Variants in SMIM14 observed in about 807,000 individuals in gnomAD.
The protein encoded by SMIM14 is small integral membrane protein 14.
In SMIM14, 5 loss-of-function variants were observed where a neutral mutation model predicts 12.6. The observed-to-expected ratio is 0.40, with a 90% CI of 0.21 to 0.83. The LOEUF (loss-of-function observed/expected upper bound fraction) is 0.83, where lower values mean the gene tolerates loss of function less well. SMIM14 is among the 40% of genes least tolerant of loss of function. The probability of loss-of-function intolerance (pLI) is 0.37; values close to 1 mark genes in which losing one functional copy is unlikely to be tolerated. For synonymous variants in SMIM14, 30 were observed against 40.1 expected (o/e 0.75, Z 0.95); for missense variants, 86 against 119.1 (o/e 0.72, Z 1.29).
chr4:39,601,771 A>C (rs1037643671), intron 2 of SMIM14, among the ~76,000 whole-genome samples: 2 of 151,842 alleles, frequency 1.3e-5, no homozygotes, highest in African/African-American at 4.8e-5. Context: ...ACCTGGGGAG[A>C]TCCCATCTCT....
intron 1 of SMIM14, among the ~76,000 whole-genome samples, chr4:39,636,569 G>A (rs1716097818): frequency 6.6e-6 from 1 of 152,182 alleles, no homozygotes; most frequent in African/African-American, 2.4e-5. Context: ...TGGACCTGGT[G>A]TCTCAGCATC....
intron 4 of SMIM14, among the ~76,000 whole-genome samples, chr4:39,554,055 T>C (rs1711874960): frequency 6.6e-6 from 1 of 152,180 alleles, no homozygotes; most frequent in Non-Finnish European, 1.5e-5. Flanking sequence ...CTTTCTCTTA[T>C]ATAAAAAATG....
At chr4:39,635,376 T>C (rs1370099791) in intron 1 of SMIM14, among the ~76,000 whole-genome samples, 1 of 152,174 alleles carries the variant, frequency 6.6e-6, no homozygotes, top group East Asian at 1.9e-4. Flanking sequence ...TTATTCTGAA[T>C]ATGGATGGAA....
In SMIM14 at chr4:39,583,387, C is replaced by T. The variant is rs146012645; in HGVS notation, c.76-10924G>A. Among the ~76,000 whole-genome samples, 127 of 152,178 alleles carry T rather than the reference C, an allele frequency of 8.3e-4. 1 individual carries two copies. The highest frequency in any genetic ancestry group is 2.7e-3 in the African/African-American group (113 of 41,474). ...TGTTAAGATTACAGGTGTGAGCCAA[C>T]TTGCCTGGGCTATTATTCTAACTGG... On this transcript the variant is annotated intron_variant, in intron 2 of 4. Transcript: ENST00000295958.
At chr4:39,606,466 C>T (rs977764730) in intron 1 of SMIM14, among the ~76,000 whole-genome samples, 1 of 151,976 alleles carries the variant, frequency 6.6e-6, no homozygotes, top group Non-Finnish European at 1.5e-5. Context: ...CATGGTGAAA[C>T]CCCGTCTCTA....
At chr4:39,562,201 CCT>C (rs1712344031) in intron 3 of SMIM14, among the ~76,000 whole-genome samples, 1 of 151,812 alleles carries the variant, frequency 6.6e-6, no homozygotes. Context: ...TAGTGAGACC[CCT>C]GTCTCTACAA....
intron 1 of SMIM14, among the ~76,000 whole-genome samples, chr4:39,619,766 CAATA>C (rs797010765): frequency 8.3e-4 from 105 of 125,910 alleles, no homozygotes; most frequent in East Asian, 7.0e-3. Flanking sequence ...ATATATATAT[CAATA>C]AATAATTTAT....
At chr4:39,572,277 CTTTTT>C (rs71192876) in intron 3 of SMIM14, 133 bp downstream of exon 3, 2,383 of 210,588 alleles carry the variant, frequency 0.011, 15 homozygotes, top group African/African-American at 0.054. Flanking sequence ...GTATGTGTCG[CTTTTT>C]TTTTTTTTTT....
At chr4:39,601,331 T>C (rs1297122666) in intron 2 of SMIM14, among the ~76,000 whole-genome samples, 2 of 152,122 alleles carry the variant, frequency 1.3e-5, no homozygotes, top group South Asian at 2.1e-4. Context: ...AAAAACCCAA[T>C]TACATTACAT....
chr4:39,621,699 T>C (rs1473182856), intron 1 of SMIM14, among the ~76,000 whole-genome samples: 2 of 149,180 alleles, frequency 1.3e-5, no homozygotes, highest in African/African-American at 4.9e-5. Flanking sequence ...TTTTTTTTTT[T>C]TTTTTTTTTT....
intron 2 of SMIM14, among the ~76,000 whole-genome samples, chr4:39,604,366 GT>G (rs1165141214): frequency 2.0e-5 from 3 of 151,756 alleles, no homozygotes; most frequent in Non-Finnish European, 4.4e-5. Context: ...GTGAAACCCA[GT>G]CTCTACTAAA....
chr4:39,552,376 A>G (rs1411747095), intron 4 of SMIM14, among the ~76,000 whole-genome samples: 1 of 152,190 alleles, frequency 6.6e-6, no homozygotes, highest in East Asian at 1.9e-4. Context: ...ACTAGATTAA[A>G]TAACACTGTG....
rs141990927 is a variant in SMIM14 at position 39,564,013 on chromosome 4, C to T, written c.125-7443G>A. On this transcript the variant is annotated intron_variant, in intron 3 of 4. Transcript: ENST00000295958. Reference sequence around the variant, plus strand: ...CACCATCTTGGCTCACTGCAACCTCCGCCTCCCAGTTTCAAGCAATTCCCC... The same window carrying T: ...CACCATCTTGGCTCACTGCAACCTCTGCCTCCCAGTTTCAAGCAATTCCCC... 3.9e-4 allele frequency among the ~76,000 whole-genome samples: 59 copies of T among 152,154 alleles called. No homozygotes were observed. The East Asian group carries it at 8.5e-3, about 22-fold the overall frequency.
chr4:39,577,875 A>G (rs938261371), intron 2 of SMIM14, among the ~76,000 whole-genome samples: 1 of 152,152 alleles, frequency 6.6e-6, no homozygotes, highest in Non-Finnish European at 1.5e-5. Flanking sequence ...TCTTGCCAAG[A>G]GCTGGTGTTG....
intron 2 of SMIM14, among the ~76,000 whole-genome samples, chr4:39,589,128 C>T (rs373984443): frequency 1.7e-4 from 26 of 152,204 alleles, no homozygotes; most frequent in African/African-American, 5.1e-4. Flanking sequence ...GCTCTGTCAC[C>T]CAGGCTGGAG....
intron 2 of SMIM14, among the ~76,000 whole-genome samples, chr4:39,598,506 A>G (rs894334498): frequency 1.3e-5 from 2 of 152,168 alleles, no homozygotes; most frequent in African/African-American, 2.4e-5. Flanking sequence ...ATGTACCAGT[A>G]TAGAGTATGA....
chr4:39,616,048 T>G (rs966710350), intron 1 of SMIM14, among the ~76,000 whole-genome samples: 2 of 152,228 alleles, frequency 1.3e-5, no homozygotes, highest in Non-Finnish European at 2.9e-5. Flanking sequence ...AGTATCTCTA[T>G]AGTAGATTTG....
At chr4:39,556,402 A>G (rs1712015342) in intron 4 of SMIM14, 26 bp downstream of exon 4, 5 of 1,600,642 alleles carry the variant, frequency 3.1e-6, no homozygotes, top group African/African-American at 1.3e-5. Context: ...CTTACCCAAA[A>G]AGCATTTAAA....
At chr4:39,600,138 C>T (rs1320064279) in intron 2 of SMIM14, among the ~76,000 whole-genome samples, 6 of 152,072 alleles carry the variant, frequency 3.9e-5, no homozygotes, top group African/African-American at 1.4e-4. Context: ...CATCTTAGCC[C>T]AGCTGGCATT....
Sources: gnomAD v4.1 joint callset for allele counts (sites outside exome capture counted in the v4.1 genomes callset) on GRCh38, gnomAD v4.1.1 for gene constraint, MANE v1.5 for transcripts, NCBI Gene and HGNC (gene_info 2026-07-23, HGNC 2026-07-21) for gene names.